UVSSA: variants seen among roughly 807,000 people sequenced by gnomAD.
The protein encoded by UVSSA is UV-stimulated scaffold protein A.
In UVSSA, 72 loss-of-function variants were observed where a neutral mutation model predicts 73.9. The ratio of observed to expected loss-of-function variants is 0.97; its 90% CI spans 0.81 to 1.19. The LOEUF is 1.19. Ranked by LOEUF, UVSSA falls within the 50% of genes most tolerant of loss-of-function variation. The pLI is 0.00. For synonymous variants in UVSSA, 454 were observed against 391.3 expected (o/e 1.16, Z -1.89); for missense variants, 1,150 against 965.0 (o/e 1.19, Z -2.54).
At chr4:1,368,508 C>T (rs1200270322) in intron 8 of UVSSA, among the ~76,000 whole-genome samples, 1 of 152,246 alleles carries the variant, frequency 6.6e-6, no homozygotes, top group African/African-American at 2.4e-5. Flanking sequence ...CACTCGTCAC[C>T]AGGCCTGGCC....
chr4:1,347,881 G>A, intron 1 of UVSSA, 121 bp downstream of exon 1: 2 of 562,120 alleles, frequency 3.6e-6, no homozygotes, highest in Non-Finnish European at 3.2e-6. Context: ...GAGGTCCCGA[G>A]TTTAAGGTTC....
At position 1,355,131 on chromosome 4, in the gene UVSSA, C is replaced by T. The variant is rs779877034; in HGVS notation, c.1062C>T (p.Val354=). 2.4e-5 allele frequency: 38 copies of T among 1,613,596 alleles called. 1 individual carries two copies. The East Asian group carries it at 3.6e-4, about 15-fold the overall frequency. The change falls in exon 7 of 14, where the codon GTC becomes GTT. Residue 354 remains valine (V), a synonymous_variant. Coordinates refer to ENST00000389851, the MANE Select transcript of UVSSA (RefSeq NM_020894.4). ...CCGTTTCGCAGCGCTTCACCCGCGTCGGGACCCACGGTGGATGTTTAAAGC... is the reference window on the plus strand; with the variant it reads ...CCGTTTCGCAGCGCTTCACCCGCGTTGGGACCCACGGTGGATGTTTAAAGC... The part of the protein sequence containing the change: ...VCSWIQRFTR[V]GTHGGCLKRA...
At chr4:1,349,437 G>T in intron 2 of UVSSA, 87 bp from the exon 3 acceptor site, 1 of 1,304,722 alleles carries the variant, frequency 7.7e-7, no homozygotes, top group Non-Finnish European at 1.1e-6. Context: ...CCTGCCACAC[G>T]TGCGTGCGGC....
At chr4:1,379,605 C>G (rs1452948207) in intron 10 of UVSSA, among the ~76,000 whole-genome samples, 1 of 152,210 alleles carries the variant, frequency 6.6e-6, no homozygotes, top group Non-Finnish European at 1.5e-5. Context: ...CCGCCCTGTC[C>G]TTACGTCCCT....
downstream of UVSSA, chr4:1,390,595 T>G (rs1720389668): frequency 6.6e-6 from 1 of 152,256 alleles, no homozygotes. Context: ...GTTACTGATT[T>G]CTTATTTCAC....
chr4:1,380,821 A>G (rs1577375805), intron 11 of UVSSA, 59 bp from the exon 12 acceptor site: 1 of 1,589,420 alleles, frequency 6.3e-7, no homozygotes. Context: ...TGGTGGGGGG[A>G]GGTGGTCAAG....
At chr4:1,373,036 G>A (rs1054255136) in intron 8 of UVSSA, among the ~76,000 whole-genome samples, 12 of 152,216 alleles carry the variant, frequency 7.9e-5, no homozygotes, top group Admixed American at 2.6e-4. Context: ...CCATGAGGTC[G>A]TCGTCCTGTG....
chr4:1,377,596 G>A (rs1233216120), intron 10 of UVSSA, among the ~76,000 whole-genome samples: 1 of 152,210 alleles, frequency 6.6e-6, no homozygotes, highest in East Asian at 1.9e-4. Context: ...CCACCGAGAA[G>A]CGGATGCCCG....
chr4:1,358,383 G>C (rs560526830), intron 7 of UVSSA: 1 of 152,300 alleles, frequency 6.6e-6, no homozygotes, highest in African/African-American at 2.4e-5. Flanking sequence ...TCACAGCTCC[G>C]GTGGGAAGGG....
At chr4:1,375,106 C>T in intron 8 of UVSSA, 1 of 545,842 alleles carries the variant, frequency 1.8e-6, no homozygotes, top group Non-Finnish European at 3.3e-6. Context: ...AGCCCGGCAG[C>T]ACAGTGTGTG....
chr4:1,357,545 CT>C (rs908184601), intron 7 of UVSSA, among the ~76,000 whole-genome samples: 8 of 152,254 alleles, frequency 5.3e-5, no homozygotes, highest in African/African-American at 1.9e-4. Flanking sequence ...GGATGAGGAG[CT>C]GCCGTTCCCC....
intron 7 of UVSSA, among the ~76,000 whole-genome samples, chr4:1,362,893 C>G (rs74576836): frequency 0.015 from 2,226 of 152,300 alleles, 65 homozygotes; most frequent in African/African-American, 0.051. Flanking sequence ...AACAGCCACA[C>G]AGCTTCCTAG....
chr4:1,354,883 C>T (rs753357021), intron 6 of UVSSA, 36 bp downstream of exon 6: 25 of 1,547,360 alleles, frequency 1.6e-5, no homozygotes, highest in Middle Eastern at 1.7e-4. Flanking sequence ...GGTGGAGGGA[C>T]GTGTGCAGAG....
At chr4:1,378,583 G>A (rs538535249) in intron 10 of UVSSA, among the ~76,000 whole-genome samples, 6 of 152,176 alleles carry the variant, frequency 3.9e-5, no homozygotes, top group Non-Finnish European at 7.3e-5. Context: ...TCGGCCGAGG[G>A]GAGTAGAGGG....
chr4:1,374,726 G>A (rs1238064954), intron 8 of UVSSA, among the ~76,000 whole-genome samples: 2 of 152,236 alleles, frequency 1.3e-5, no homozygotes, highest in East Asian at 3.8e-4. Flanking sequence ...TGGTCCAGTG[G>A]CCCCTGTGGC....
At chr4:1,375,342 A>T in intron 8 of UVSSA, 22 bp from the exon 9 acceptor site, 3 of 1,611,610 alleles carry the variant, frequency 1.9e-6, no homozygotes, top group Non-Finnish European at 2.5e-6. Flanking sequence ...GGTGGCAGGG[A>T]GTGGACACGT....
In UVSSA at chr4:1,385,896, A is replaced by G. The variant is rs773633794; in HGVS notation, c.2065A>G (p.Met689Val). The G allele has an allele frequency of 6.2e-7, 1 of 1,614,068 alleles. No homozygotes were observed. The highest frequency in any genetic ancestry group is 8.5e-7 in the Non-Finnish European group (1 of 1,180,036). The change falls in exon 14 of 14, where the codon ATG becomes GTG. Residue 689 changes from methionine to valine, a missense_variant. Physicochemically the swap from Met to Val is conservative, Grantham distance 21. Coordinates refer to ENST00000389851, the MANE Select transcript of UVSSA (RefSeq NM_020894.4). ...KAAVRRVVAA[M>V]NRMDQKKHEK... is the part of the protein sequence containing the mutation. ...AGCTGTGCGGAGGGTAGTGGCAGCC[A>G]TGAACCGGATGGACCAGAAGAAGCA...
At chr4:1,361,360 A>G (rs944893716) in intron 7 of UVSSA, among the ~76,000 whole-genome samples, 2 of 152,246 alleles carry the variant, frequency 1.3e-5, no homozygotes, top group Non-Finnish European at 2.9e-5. Context: ...GAAGAGGCCC[A>G]CAGCACTGTG....
At chr4:1,383,724 C>T (rs1460805371) in intron 12 of UVSSA, 42 bp from the exon 13 acceptor site, 2 of 1,609,630 alleles carry the variant, frequency 1.2e-6, no homozygotes, top group Non-Finnish European at 1.7e-6. Context: ...AGGCTCTGGT[C>T]AGTGCCAGAC....
Sources: allele counts gnomAD v4.1 joint callset (sites outside exome capture counted in the v4.1 genomes callset), GRCh38; gene constraint gnomAD v4.1.1; transcripts MANE v1.5; gene names NCBI Gene and HGNC (gene_info 2026-07-23, HGNC 2026-07-21).